The following ANKS1A variants were observed in gnomAD, a reference collection of about 807,000 sequenced individuals.
ANKS1A encodes the protein ankyrin repeat and sterile alpha motif domain containing 1A.
Under a neutral mutation model 120.3 loss-of-function variants are expected in ANKS1A, and 55 were observed. The ratio of observed to expected loss-of-function variants is 0.46; its 90% CI spans 0.37 to 0.57. The LOEUF is 0.57. Ranked by LOEUF, ANKS1A falls within the 20% of genes least tolerant of loss-of-function variation. The pLI, the probability that ANKS1A is intolerant of heterozygous loss-of-function variation, is 0.00. For synonymous variants in ANKS1A, 590 were observed against 604.7 expected, an observed-to-expected ratio of 0.98 and a Z score of 0.36; for missense variants, 1,123 against 1,480.3, an observed-to-expected ratio of 0.76 and a Z score of 3.96.
chr6:34,892,524 C>T lies in ANKS1A; in HGVS notation c.197+2925C>T, dbSNP rs368165902. ...TGGCAGAAATAGGAGCTTACAGTTG[C>T]AGTGGAATAATTGTTCCAGACCACA... On this transcript the variant is annotated intron_variant, in intron 1 of 23. Coordinates refer to ENST00000360359, the MANE Select transcript of ANKS1A (RefSeq NM_015245.3). 1.7e-4 allele frequency among the ~76,000 whole-genome samples: 26 copies of T among 152,332 alleles called. No homozygotes were observed. In the East Asian group the frequency reaches 4.6e-3, roughly 27 times the overall value.
intron 11 of ANKS1A, among the ~76,000 whole-genome samples, chr6:35,047,497 G>A (rs1775769114): frequency 1.3e-5 from 2 of 152,220 alleles, no homozygotes; most frequent in African/African-American, 4.8e-5. Flanking sequence ...AGATTAACCA[G>A]TGTTTTTAGG....
chr6:35,018,113 C>G, intron 11 of ANKS1A, 54 bp downstream of exon 11: 1 of 1,553,338 alleles, frequency 6.4e-7, no homozygotes, highest in Non-Finnish European at 8.8e-7. Flanking sequence ...GGCCGCAGCC[C>G]ACCACAGCTC....
Position 35,086,240 on chromosome 6 carries a change from T to C in ANKS1A, c.3303+304T>C, listed in dbSNP as rs1777969164. ...GCCCCCAGTAACTGCGCCATCCCTG[T>C]GTCTGTGTCTGCTTTGCTCTGCACC... On this transcript the variant is annotated intron_variant, in intron 22 of 23. Coordinates refer to ENST00000360359, the MANE Select transcript of ANKS1A (RefSeq NM_015245.3). This position sits in a 1 kb window ranked among gnomAD's most constrained non-coding sequence, Gnocchi z 5.1. 7.4e-7 allele frequency: 1 copy of C among 1,360,482 alleles called. No homozygotes were observed. The highest frequency in any genetic ancestry group is 2.2e-5 in the Admixed American group (1 of 45,880). The allele number at this position is 1,360,482 out of a possible 1,614,324, so 84.3% of individuals were successfully genotyped here.
rs115783255 is a variant in ANKS1A at position 34,964,102 on chromosome 6, G to C, written c.198-3137G>C. Among the ~76,000 whole-genome samples the C allele has an allele frequency of 6.9e-3, 1,043 of 152,150 alleles. 5 individuals carry two copies. The highest frequency in any genetic ancestry group is 0.014 in the Middle Eastern group (4 of 294). On this transcript the variant is annotated intron_variant, in intron 1 of 23. Transcript: ENST00000360359. ...TACTGTGCTGGCGGTTTCCTTTGCT[G>C]TACAGAATCCCACTTTTTCTACTTA...
chr6:35,036,927 C>T (rs1235439358), intron 11 of ANKS1A, among the ~76,000 whole-genome samples: 1 of 152,226 alleles, frequency 6.6e-6, no homozygotes, highest in Non-Finnish European at 1.5e-5. Flanking sequence ...CTACAGGCTC[C>T]TCAGGTGGTT....
chr6:34,960,692 A>AACATAGGTGCCGCCGAGGT (rs1251706485), intron 1 of ANKS1A, among the ~76,000 whole-genome samples: 1 of 152,134 alleles, frequency 6.6e-6, no homozygotes, highest in Non-Finnish European at 1.5e-5. Flanking sequence ...GCCATCCCAA[A>AACATAGGTGCCGCCGAGGT]ACATAGGTGC....
intron 1 of ANKS1A, among the ~76,000 whole-genome samples, chr6:34,896,290 G>A (rs1270614296): frequency 2.0e-5 from 3 of 151,952 alleles, no homozygotes; most frequent in African/African-American, 7.3e-5. Flanking sequence ...GGCTAGTCTC[G>A]AACTCCTGAC....
Position 35,083,087 on chromosome 6 carries a change from A to C in ANKS1A, c.2836-68A>C, listed in dbSNP as rs142673336. ...ACTACTTGATTGTGGGACAGTCCCA[A>C]ATTGGTTGGGTCACCCCTGCATGGA... On this transcript the variant is annotated intron_variant, in intron 18 of 23. Coordinates refer to ENST00000360359, the MANE Select transcript of ANKS1A (RefSeq NM_015245.3). 1.5e-3 allele frequency: 2,387 copies of C among 1,585,600 alleles called. 2 individuals are homozygous for C. Among genetic ancestry groups the C allele is most frequent in the Non-Finnish European group, 1.9e-3 (2,161 of 1,157,530 alleles).
chr6:34,988,550 C>T (rs969912855), intron 8 of ANKS1A, among the ~76,000 whole-genome samples: 4 of 152,146 alleles, frequency 2.6e-5, no homozygotes, highest in South Asian at 2.1e-4. Flanking sequence ...GAGCCGAGAT[C>T]GCGCCACTGC....
intron 10 of ANKS1A, among the ~76,000 whole-genome samples, chr6:35,008,672 A>G (rs1051562082): frequency 1.3e-5 from 2 of 152,208 alleles, no homozygotes; most frequent in Admixed American, 6.5e-5. Flanking sequence ...CCTCCACCAT[A>G]TGTATTGACA....
chr6:34,919,908 G>A (rs536777340), intron 1 of ANKS1A, among the ~76,000 whole-genome samples: 1 of 152,130 alleles, frequency 6.6e-6, no homozygotes, highest in Admixed American at 6.5e-5. Flanking sequence ...TACTCCCAGA[G>A]GGCCTGTTCT....
chr6:34,915,986 CTTTTTTT>C (rs202041070), intron 1 of ANKS1A, among the ~76,000 whole-genome samples: 3 of 104,566 alleles, frequency 2.9e-5, no homozygotes, highest in African/African-American at 7.8e-5. Context: ...ATGTCTGGAT[CTTTTTTT>C]TTTTTTTTTT....
At chr6:35,017,093 A>G (rs1180696397) in intron 10 of ANKS1A, among the ~76,000 whole-genome samples, 2 of 152,002 alleles carry the variant, frequency 1.3e-5, no homozygotes, top group Admixed American at 1.3e-4. Flanking sequence ...CTTTTGCTTC[A>G]TGTTCACTCA....
At chr6:34,925,455 C>T (rs905959355) in intron 1 of ANKS1A, among the ~76,000 whole-genome samples, 1 of 152,122 alleles carries the variant, frequency 6.6e-6, no homozygotes, top group Non-Finnish European at 1.5e-5. Flanking sequence ...ATGCTCTGTA[C>T]GTGAGAGGAG....
chr6:35,087,891 T>G (rs1462119267), intron 23 of ANKS1A, among the ~76,000 whole-genome samples: 7 of 152,212 alleles, frequency 4.6e-5, no homozygotes, highest in Non-Finnish European at 1.0e-4. Context: ...ATCTTCGCCA[T>G]GGAGTCTCAA....
chr6:34,918,510 A>T (rs1768280123), intron 1 of ANKS1A, among the ~76,000 whole-genome samples: 1 of 152,220 alleles, frequency 6.6e-6, no homozygotes, highest in African/African-American at 2.4e-5. Context: ...TACGGGGCTG[A>T]TCAAATGGCT....
intron 11 of ANKS1A, among the ~76,000 whole-genome samples, chr6:35,036,776 C>T (rs1191367980): frequency 6.6e-6 from 1 of 152,194 alleles, no homozygotes; most frequent in Non-Finnish European, 1.5e-5. Flanking sequence ...ATATGTGGTG[C>T]CTTACAGCAG....
chr6:34,995,373 T>G (rs535401210), intron 10 of ANKS1A, among the ~76,000 whole-genome samples: 30 of 152,254 alleles, frequency 2.0e-4, no homozygotes, highest in South Asian at 6.2e-4. Context: ...ATAGTGTTTT[T>G]TTTTGTTTTG....
At position 34,983,134 on chromosome 6, in the gene ANKS1A, A is replaced by G; in HGVS notation, c.830A>G (p.Asp277Gly). 2 of 1,614,178 alleles carry G rather than the reference A, an allele frequency of 1.2e-6. No homozygotes were observed. The highest frequency in any genetic ancestry group is 1.7e-6 in the Non-Finnish European group (2 of 1,180,034). Reference sequence around the variant, plus strand: ...CTAGGAACTGACGTCAACATAAAAGATAACCATGGACTGACTGCCCTAGAC... The same window carrying G: ...CTAGGAACTGACGTCAACATAAAAGGTAACCATGGACTGACTGCCCTAGAC... ...LAAGTDVNIK[D>G]NHGLTALDTV... Residue 277 changes from aspartate (D) to glycine (G), a missense_variant, in exon 6 of 24, where the codon GAT (aspartate) becomes GGT (glycine). Coordinates refer to ENST00000360359, the MANE Select transcript of ANKS1A (RefSeq NM_015245.3).
Sources: gnomAD v4.1 joint callset for allele counts (sites outside exome capture counted in the v4.1 genomes callset) on GRCh38, gnomAD v4.1.1 for gene constraint, Gnocchi (gnomAD v3.1) non-coding constraint, MANE v1.5 for transcripts, NCBI Gene and HGNC (gene_info 2026-07-23, HGNC 2026-07-21) for gene names.